UBR3: variants seen among roughly 807,000 people sequenced by gnomAD.
UBR3 encodes the protein E3 ubiquitin-protein ligase UBR3.
A neutral mutation model predicts 243.2 loss-of-function variants in UBR3; 85 were observed. The ratio of observed to expected loss-of-function variants is 0.35; its 90% CI spans 0.29 to 0.42. The LOEUF is 0.42. Among genes scored for constraint, UBR3 ranks in the 10% least tolerant of loss-of-function variants. UBR3 has a pLI of 1.00. For synonymous variants in UBR3, 748 were observed against 799.8 expected (o/e 0.94, Z 1.09); for missense variants, 1,686 against 2,300.8 (o/e 0.73, Z 5.47).
rs183587115 is a variant in UBR3, at chr2:169,838,806, G to C, written c.545+10754G>C. Reference sequence around the variant, plus strand: ...TCTAAACATCATTTCAATCAGATACGGTGAGACTCAAAGATACGCTTCATC... The same window carrying C: ...TCTAAACATCATTTCAATCAGATACCGTGAGACTCAAAGATACGCTTCATC... On this transcript the variant is annotated intron_variant, in intron 1 of 38. Transcript: ENST00000272793. 2.0e-5 allele frequency among the ~76,000 whole-genome samples: 3 copies of C among 152,214 alleles called. No individual in the cohort carries two copies. In the East Asian group the frequency reaches 5.8e-4, roughly 29 times the overall value.
rs114848661 is a variant in UBR3 at position 169,927,720 on chromosome 2, G to A, written c.2424+315G>A. 7.8e-3 allele frequency among the ~76,000 whole-genome samples: 1,185 copies of A among 152,128 alleles called. 13 individuals carry two copies. Among genetic ancestry groups the A allele is most frequent in the African/African-American group, 0.026 (1,071 of 41,506 alleles). On this transcript the variant is annotated intron_variant, in intron 17 of 38. Coordinates refer to ENST00000272793, the MANE Select transcript of UBR3 (RefSeq NM_172070.4). ...AGCATTACTGAACGTTTTATAAAAG[G>A]CAGCTAGGTCCATTTTGTCTGTGTA...
intron 23 of UBR3, among the ~76,000 whole-genome samples, chr2:169,958,055 T>C (rs2087391569): frequency 6.6e-6 from 1 of 151,188 alleles, no homozygotes; most frequent in South Asian, 2.1e-4. Context: ...AGCAATCAGT[T>C]TACTGTTATT....
intron 31 of UBR3, among the ~76,000 whole-genome samples, chr2:170,032,632 T>C (rs2090709179): frequency 1.5e-5 from 2 of 132,844 alleles, no homozygotes; most frequent in African/African-American, 2.7e-5. Context: ...AGTTATTTTG[T>C]AGCATGTCCT....
intron 30 of UBR3, among the ~76,000 whole-genome samples, chr2:170,023,479 G>C (rs918385908): frequency 6.6e-6 from 1 of 151,528 alleles, no homozygotes; most frequent in African/African-American, 2.4e-5. Flanking sequence ...GTAACATGTC[G>C]GCTCACAGCA....
chr2:169,897,835 C>T (rs10209163), intron 8 of UBR3, among the ~76,000 whole-genome samples: 2 of 151,976 alleles, frequency 1.3e-5, no homozygotes, highest in African/African-American at 4.8e-5. Context: ...TGCTATGTAC[C>T]TGGTACTGTG....
chr2:170,068,285 A>G (rs1172432630), intron 35 of UBR3, among the ~76,000 whole-genome samples: 2 of 152,048 alleles, frequency 1.3e-5, no homozygotes, highest in Non-Finnish European at 2.9e-5. Flanking sequence ...CCTGGCCAAT[A>G]TGGTAAAACC....
At chr2:169,976,894 A>G (rs2105380736) in intron 24 of UBR3, among the ~76,000 whole-genome samples, 1 of 152,154 alleles carries the variant, frequency 6.6e-6, no homozygotes, top group Non-Finnish European at 1.5e-5. Context: ...CATAAATCTT[A>G]TAGGCTTTTT....
In UBR3 at chr2:169,911,065, A is replaced by G. The variant is rs151090341; in HGVS notation, c.1780-2995A>G. Reference sequence around the variant, plus strand: ...TCACTTGATAAATTACTGTCTTTGTATGATTGCACTGAATGCTATTTGATT... The same window carrying G: ...TCACTTGATAAATTACTGTCTTTGTGTGATTGCACTGAATGCTATTTGATT... On this transcript the variant is annotated intron_variant, in intron 10 of 38. Coordinates refer to ENST00000272793, the MANE Select transcript of UBR3 (RefSeq NM_172070.4). Among the ~76,000 whole-genome samples, 74 of 152,302 alleles carry G rather than the reference A, an allele frequency of 4.9e-4. No individual in the cohort carries two copies. The East Asian group carries it at 0.014, about 29-fold the overall frequency.
rs1056454155 is a variant in UBR3, at chr2:169,926,968, T to C, written c.2335T>C (p.Leu779=). 9 of 1,550,472 alleles carry C rather than the reference T, an allele frequency of 5.8e-6. No individual in the cohort carries two copies. The highest frequency in any genetic ancestry group is 7.9e-6 in the Non-Finnish European group (9 of 1,146,334). ...LVILLSLRLH[L]GMSDDEILRA... ...GATTCTTTTGAGTCTTCGTTTACAT[T>C]TAGGTAAAACTCACTGATACTAATA... The change falls in exon 16 of 39, where the codon TTA becomes CTA. Residue 779 remains leucine, a synonymous_variant. Coordinates refer to ENST00000272793, the MANE Select transcript of UBR3 (RefSeq NM_172070.4).
chr2:169,879,816 GTAACAAAA>G (rs2083753762), intron 5 of UBR3, among the ~76,000 whole-genome samples: 1 of 151,992 alleles, frequency 6.6e-6, no homozygotes, highest in Admixed American at 6.6e-5. Context: ...CTTCTGTTTT[GTAACAAAA>G]TAACTTCTGA....
chr2:169,893,550 G>C (rs1435491497), intron 6 of UBR3, among the ~76,000 whole-genome samples: 2 of 152,164 alleles, frequency 1.3e-5, no homozygotes, highest in East Asian at 1.9e-4. Flanking sequence ...GCAGTGTGCT[G>C]TGGATTATAA....
chr2:169,926,886 A>T lies in UBR3; in HGVS notation c.2253A>T (p.Thr751=). 6.4e-7 allele frequency: 1 copy of T among 1,550,670 alleles called. No homozygotes were observed. The highest frequency in any genetic ancestry group is 8.7e-7 in the Non-Finnish European group (1 of 1,146,206). The change falls in exon 16 of 39, where the codon ACA becomes ACT. Residue 751 remains threonine (T), a synonymous_variant. Transcript: ENST00000272793. ...LLTMASQHQN[T]VLDAEHERSM... The stretch of plus-strand genomic sequence containing the variant: ...CAATGGCATCACAACATCAAAATAC[A>T]GTACTTGATGCAGAGCATGAGAGGT...
At position 169,896,552 on chromosome 2, in the gene UBR3, A is replaced by G; in HGVS notation, c.1282A>G (p.Lys428Glu). 6.5e-7 allele frequency: 1 copy of G among 1,549,986 alleles called. No homozygotes were observed. Reference sequence around the variant, plus strand: ...TGTTCAGCATTATGCTTTCATTATGAAAACACTGAAGAAAAGTCATGAATC... The same window carrying G: ...TGTTCAGCATTATGCTTTCATTATGGAAACACTGAAGAAAAGTCATGAATC... ...TFVQHYAFIM[K>E]TLKKSHESDT... Residue 428 changes from lysine to glutamate, a missense_variant, in exon 8 of 39, where the codon AAA becomes GAA. By Grantham distance (56) the Lys-to-Glu change is moderately conservative. Transcript: ENST00000272793.
rs541793049 is a variant in UBR3 at position 169,894,540 on chromosome 2, G to A, written c.1106-641G>A. On this transcript the variant is annotated intron_variant, in intron 6 of 38. Coordinates refer to ENST00000272793, the MANE Select transcript of UBR3 (RefSeq NM_172070.4). ...TTATTAATGAAAAAACTGCGTTAAA[G>A]TTATATCTAATAAGGACTGATTCAA... 3.9e-5 allele frequency among the ~76,000 whole-genome samples: 6 copies of A among 152,162 alleles called. No individual in the cohort carries two copies. The East Asian group carries it at 1.2e-3, about 29-fold the overall frequency.
Position 170,070,620 on chromosome 2 carries a change from G to A in UBR3, c.5020-2808G>A, listed in dbSNP as rs529760793. 4.6e-5 allele frequency among the ~76,000 whole-genome samples: 7 copies of A among 152,268 alleles called. No individual in the cohort carries two copies. In the South Asian group the frequency reaches 6.2e-4, roughly 14 times the overall value. ...CAAAGAAACCTATTAGAGCTAATAA[G>A]TTCAGCAAGGTTGTAGGATACAGAT... is the stretch of plus-strand genomic sequence containing the variant. On this transcript the variant is annotated intron_variant, in intron 35 of 38. Transcript: ENST00000272793.
At chr2:169,901,112 C>A (rs999031621) in intron 8 of UBR3, among the ~76,000 whole-genome samples, 5 of 152,084 alleles carry the variant, frequency 3.3e-5, no homozygotes, top group African/African-American at 1.2e-4. Context: ...CTCTACTTGT[C>A]CTATCAATAT....
At chr2:170,019,183 C>T (rs2090324280) in intron 30 of UBR3, among the ~76,000 whole-genome samples, 1 of 152,056 alleles carries the variant, frequency 6.6e-6, no homozygotes, top group Admixed American at 6.6e-5. Context: ...GAGGATAAGG[C>T]AAACTCTTGC....
intron 5 of UBR3, among the ~76,000 whole-genome samples, chr2:169,886,657 A>G (rs1206176234): frequency 6.6e-6 from 1 of 152,150 alleles, no homozygotes; most frequent in African/African-American, 2.4e-5. Context: ...TGATAAGCAT[A>G]CCGTGTCTTC....
At chr2:170,043,240 TTAATC>T (rs2091010845) in intron 32 of UBR3, among the ~76,000 whole-genome samples, 2 of 152,144 alleles carry the variant, frequency 1.3e-5, no homozygotes, top group Non-Finnish European at 2.9e-5. Flanking sequence ...TAATCAATAT[TTAATC>T]TAAAGAGAAA....
Sources: gnomAD v4.1 joint callset for allele counts (sites outside exome capture counted in the v4.1 genomes callset) on GRCh38, gnomAD v4.1.1 for gene constraint, MANE v1.5 for transcripts, NCBI Gene and HGNC (gene_info 2026-07-23, HGNC 2026-07-21) for gene names.